Variants in CTTNBP2 observed in about 807,000 individuals in gnomAD.
The protein encoded by CTTNBP2 is cortactin-binding protein 2.
A neutral mutation model predicts 156.9 loss-of-function variants in CTTNBP2; 108 were observed. The observed-to-expected ratio is 0.69, with a 90% CI of 0.59 to 0.81. CTTNBP2 has a LOEUF of 0.81. Ranked by LOEUF, CTTNBP2 falls within the 30% of genes least tolerant of loss-of-function variation. CTTNBP2 has a pLI of 0.00. For synonymous variants in CTTNBP2, 767 were observed against 751.8 expected (o/e 1.02, Z -0.33); for missense variants, 1,924 against 2,035.4 (o/e 0.95, Z 1.05).
At chr7:117,800,749 T>G (rs559240966) in intron 3 of CTTNBP2, among the ~76,000 whole-genome samples, 11 of 152,226 alleles carry the variant, frequency 7.2e-5, no homozygotes, top group Admixed American at 2.6e-4. Flanking sequence ...TCAGTGTCAG[T>G]ATACTGACAG....
intron 2 of CTTNBP2, among the ~76,000 whole-genome samples, chr7:117,858,226 C>G (rs1162212865): frequency 6.6e-6 from 1 of 152,060 alleles, no homozygotes; most frequent in South Asian, 2.1e-4. Context: ...AAAAATTAGC[C>G]GGGCATGGTG....
chr7:117,768,084 T>A (rs2116701957), intron 8 of CTTNBP2, among the ~76,000 whole-genome samples: 1 of 59,088 alleles, frequency 1.7e-5, no homozygotes, highest in Middle Eastern at 7.0e-3. Context: ...CCATCACTCC[T>A]GTAAATGCAC....
chr7:117,843,796 C>T (rs34986412), intron 2 of CTTNBP2, among the ~76,000 whole-genome samples: 40,102 of 151,944 alleles, frequency 0.26, 5,610 homozygotes, highest in South Asian at 0.38. Flanking sequence ...AGGAAGGTAT[C>T]AAAATAATTC....
At chr7:117,869,248 A>G (rs1804414815) in intron 1 of CTTNBP2, among the ~76,000 whole-genome samples, 1 of 152,246 alleles carries the variant, frequency 6.6e-6, no homozygotes, top group Non-Finnish European at 1.5e-5. Flanking sequence ...TTTTGGATCA[A>G]GATCTATAAT....
intron 2 of CTTNBP2, among the ~76,000 whole-genome samples, chr7:117,842,456 T>A (rs550852603): frequency 1.3e-5 from 2 of 151,374 alleles, no homozygotes; most frequent in Non-Finnish European, 2.9e-5. Context: ...GCCCACTTTA[T>A]CCTCCCAAAG....
Position 117,784,982 on chromosome 7 carries a change from G to A in CTTNBP2, c.2069-528C>T, listed in dbSNP as rs34846044. 7.0e-3 allele frequency among the ~76,000 whole-genome samples: 1,064 copies of A among 152,262 alleles called. 9 individuals are homozygous for A. Among genetic ancestry groups the A allele is most frequent in the African/African-American group, 0.024 (979 of 41,554 alleles). ...GTAAACCATTAAGATGGACCAAAGA[G>A]TCTATTTATATTCCTTGAATTCCCT... On this transcript the variant is annotated intron_variant, in intron 4 of 22. Transcript: ENST00000160373.
intron 2 of CTTNBP2, among the ~76,000 whole-genome samples, chr7:117,824,052 G>A (rs1801130177): frequency 6.7e-6 from 1 of 149,880 alleles, no homozygotes; most frequent in Admixed American, 6.7e-5. Flanking sequence ...GCCTTGGTCT[G>A]GTAAAAACAT....
At position 117,747,692 on chromosome 7, in the gene CTTNBP2, G is replaced by A. The variant is rs1027359635; in HGVS notation, c.3349-1593C>T. 7.2e-5 allele frequency among the ~76,000 whole-genome samples: 11 copies of A among 152,346 alleles called. No homozygotes were observed. In the East Asian group the frequency reaches 2.1e-3, roughly 29 times the overall value. The stretch of plus-strand genomic sequence containing the variant: ...GGAGGTTGAGGCAGGAGAATCGCTT[G>A]AACCCGGGAGGTGGAGGTTGCAGTG... On this transcript the variant is annotated intron_variant, in intron 12 of 22. Transcript: ENST00000160373.
chr7:117,862,597 C>T (rs1803844097), intron 1 of CTTNBP2, among the ~76,000 whole-genome samples: 1 of 152,198 alleles, frequency 6.6e-6, no homozygotes, highest in Non-Finnish European at 1.5e-5. Context: ...CCACCAGGCA[C>T]ACTCTGCTCC....
At chr7:117,736,440 GA>G (rs572104388) in intron 14 of CTTNBP2, among the ~76,000 whole-genome samples, 7,975 of 144,264 alleles carry the variant, frequency 0.055, 649 homozygotes, top group African/African-American at 0.18. Context: ...ACTGTGTCTA[GA>G]AAAAAAAAAA....
At chr7:117,802,437 CAA>C (rs759797673) in intron 3 of CTTNBP2, among the ~76,000 whole-genome samples, 38 of 83,770 alleles carry the variant, frequency 4.5e-4, no homozygotes, top group Middle Eastern at 6.8e-3. Flanking sequence ...TCAGCATTGG[CAA>C]AAAAAAAAAA....
intron 9 of CTTNBP2, among the ~76,000 whole-genome samples, chr7:117,765,046 C>T (rs1797411011): frequency 6.6e-6 from 1 of 152,178 alleles, no homozygotes; most frequent in Non-Finnish European, 1.5e-5. Flanking sequence ...AACGATTCTC[C>T]TGCCTCAGCC....
At chr7:117,862,701 C>T (rs971225535) in intron 1 of CTTNBP2, among the ~76,000 whole-genome samples, 35 of 152,168 alleles carry the variant, frequency 2.3e-4, no homozygotes, top group African/African-American at 8.2e-4. Context: ...GTAGACTCGC[C>T]CTCAGAAGCC....
chr7:117,848,580 CT>C (rs1156922829), intron 2 of CTTNBP2, among the ~76,000 whole-genome samples: 2 of 152,168 alleles, frequency 1.3e-5, no homozygotes, highest in African/African-American at 4.8e-5. Context: ...ATTGCTACAG[CT>C]TTTTTCTACC....
At position 117,711,477 on chromosome 7, in the gene CTTNBP2, G is replaced by C. The variant is rs1255426265; in HGVS notation, c.*60C>G. The stretch of plus-strand genomic sequence containing the variant: ...ATCAATTTAAAGGTATTTGTATCTT[G>C]TTGTCCTTGGTTTCTGTGTGAAATA... On this transcript the variant is annotated 3_prime_UTR_variant, in exon 23 of 23. Coordinates refer to ENST00000160373, the MANE Select transcript of CTTNBP2 (RefSeq NM_033427.3). The C allele has an allele frequency of 1.6e-5, 24 of 1,515,458 alleles. No homozygotes were observed. Among genetic ancestry groups the C allele is most frequent in the Non-Finnish European group, 2.0e-5 (23 of 1,122,166 alleles). 93.9% of individuals were successfully genotyped at this position (1,515,458 alleles called of 1,614,324 possible). A position where few individuals can be genotyped will look rare whatever the true frequency, so the allele number is the denominator to read the frequency against.
Position 117,791,361 on chromosome 7 carries a change from G to T in CTTNBP2, c.1835C>A (p.Pro612Gln), listed in dbSNP as rs1389616225. 1.2e-6 allele frequency: 2 copies of T among 1,614,162 alleles called. No homozygotes were observed. Among genetic ancestry groups the T allele is most frequent in the Middle Eastern group, 1.6e-4 (1 of 6,062 alleles). ...AGTTAAATCTATGGATGGTTTTGGT[G>T]GCAGCTGAGGGGAGGATGACTTAGG... ...NLPKSSSPQL[P>Q]PKPSIDLTVA... Residue 612 changes from proline (P) to glutamine (Q), a missense_variant, in exon 4 of 23, where the codon CCA (proline) becomes CAA (glutamine). By Grantham distance (76) the Pro-to-Gln change is moderately conservative. Transcript: ENST00000160373.
chr7:117,815,366 A>G (rs1393308410), intron 2 of CTTNBP2, among the ~76,000 whole-genome samples: 1 of 152,140 alleles, frequency 6.6e-6, no homozygotes, highest in African/African-American at 2.4e-5. Flanking sequence ...TCTCCCACTA[A>G]TAACTAATTT....
At position 117,724,638 on chromosome 7, in the gene CTTNBP2, ACT is replaced by A. The variant is rs1288453453; in HGVS notation, c.4354_4355del (p.Ser1452TrpfsTer24). On this transcript the variant is annotated frameshift_variant, in exon 19 of 23. Coordinates refer to ENST00000160373, the MANE Select transcript of CTTNBP2 (RefSeq NM_033427.3). LOFTEE classifies it high-confidence loss of function. ...YNTCNKKKGESGAWRKVNTSP... is the reference protein window; with the variant it reads ...YNTCNKKKGEXGAWRKVNTSP... ...TGGTGTTCACCTTTCTCCAGGCACC[ACT>A]CTCTCCTTTCTTCTTGTTACAAGTG... 2 of 1,613,712 alleles carry A rather than the reference ACT, an allele frequency of 1.2e-6. No homozygotes were observed. Among genetic ancestry groups the A allele is most frequent in the Non-Finnish European group, 8.5e-7 (1 of 1,179,914 alleles).
At chr7:117,822,815 G>T (rs1279248957) in intron 2 of CTTNBP2, among the ~76,000 whole-genome samples, 1 of 152,172 alleles carries the variant, frequency 6.6e-6, no homozygotes, top group Non-Finnish European at 1.5e-5. Context: ...TGTGTTTTCT[G>T]CATTGTTGGA....
Sources: allele counts gnomAD v4.1 joint callset (sites outside exome capture counted in the v4.1 genomes callset), GRCh38; gene constraint gnomAD v4.1.1; transcripts MANE v1.5; gene names NCBI Gene and HGNC (gene_info 2026-07-23, HGNC 2026-07-21).